The following MCMBP variants were observed in gnomAD, a reference collection of about 807,000 sequenced individuals.
MCMBP encodes mini-chromosome maintenance complex-binding protein.
A neutral mutation model predicts 81.3 loss-of-function variants in MCMBP; 31 were observed. That is an observed-to-expected ratio of 0.38 (90% CI 0.29 to 0.51). MCMBP has a LOEUF of 0.51. Among genes scored for constraint, MCMBP ranks in the 20% least tolerant of loss-of-function variants. The probability of loss-of-function intolerance (pLI) is 0.87; values close to 1 mark genes in which losing one functional copy is unlikely to be tolerated. For missense variants in MCMBP, 645 were observed against 772.1 expected, an observed-to-expected ratio of 0.84 and a Z score of 1.95; for synonymous variants, 267 against 275.9, an observed-to-expected ratio of 0.97 and a Z score of 0.32.
chr10:119,870,482 A>G (rs1009156233), intron 1 of MCMBP, among the ~76,000 whole-genome samples: 1 of 152,156 alleles, frequency 6.6e-6, no homozygotes, highest in African/African-American at 2.4e-5. Flanking sequence ...AAAATACACA[A>G]CAAAACTTAA....
Position 119,872,662 on chromosome 10 carries a change from G to C in MCMBP, c.-78C>G. The C allele has an allele frequency of 7.7e-6, 6 of 782,228 alleles. No individual in the cohort carries two copies. Among genetic ancestry groups the C allele is most frequent in the Non-Finnish European group, 9.9e-6 (6 of 608,966 alleles). The allele number at this position is 782,228 out of a possible 1,614,324, so 48.5% of individuals were successfully genotyped here. A position where few individuals can be genotyped will look rare whatever the true frequency, so the allele number is the denominator to read the frequency against. On this transcript the variant is annotated 5_prime_UTR_variant, in exon 1 of 16. Transcript: ENST00000369077. ...AGCGCGGCCGGGCGGCCGGCGCCCA[G>C]CTCCTCTTCAGCGGCTCGGCCGCTC...
intron 5 of MCMBP, among the ~76,000 whole-genome samples, chr10:119,854,222 T>G (rs1852938609): frequency 6.6e-6 from 1 of 151,896 alleles, no homozygotes; most frequent in East Asian, 2.0e-4. Context: ...TTGTATTTTT[T>G]GTAGAGACAG....
chr10:119,857,052 T>A (rs1406397507), intron 5 of MCMBP, among the ~76,000 whole-genome samples: 2 of 150,638 alleles, frequency 1.3e-5, no homozygotes, highest in Non-Finnish European at 3.0e-5. Flanking sequence ...ATGAGCCATG[T>A]TTGTGCCACT....
chr10:119,869,348 C>T (rs544485571), intron 1 of MCMBP, among the ~76,000 whole-genome samples: 1 of 152,166 alleles, frequency 6.6e-6, no homozygotes, highest in African/African-American at 2.4e-5. Context: ...CCAAGGTGGG[C>T]GGATCACTAG....
At position 119,835,615 on chromosome 10, in the gene MCMBP, G is replaced by A. The variant is rs529084726; in HGVS notation, c.1632C>T (p.Ser544=). The change falls in exon 14 of 16, where the codon TCC becomes TCT. Residue 544 remains serine, a synonymous_variant. Transcript: ENST00000369077. ...GATAAATGCGGAATTTGTTCAGCAC[G>A]GAAGGCAGCACCGCTGAGAGAAGGC... ...MNSLLSAVLP[S]VLNKFRIYLT... The A allele has an allele frequency of 5.6e-6, 9 of 1,614,052 alleles. No individual in the cohort carries two copies. In the East Asian group the frequency reaches 1.1e-4, roughly 20 times the overall value.
intron 5 of MCMBP, among the ~76,000 whole-genome samples, chr10:119,854,045 C>CT (rs111657130): frequency 0.021 from 2,874 of 139,938 alleles, 97 homozygotes; most frequent in African/African-American, 0.059. Context: ...TTTTCCTTTT[C>CT]TTTTTTTTTT....
chr10:119,855,515 C>T (rs1195882412), intron 5 of MCMBP, among the ~76,000 whole-genome samples: 1 of 151,994 alleles, frequency 6.6e-6, no homozygotes, highest in Non-Finnish European at 1.5e-5. Flanking sequence ...ATCAAAAATA[C>T]AAAACAATTA....
rs1462617730 is a variant in MCMBP, at chr10:119,872,575, C to T, written c.10G>A (p.Gly4Arg). The T allele has an allele frequency of 8.5e-7, 1 of 1,181,532 alleles. No homozygotes were observed. Among genetic ancestry groups the T allele is most frequent in the Non-Finnish European group, 1.1e-6 (1 of 948,014 alleles). 73.2% of individuals were successfully genotyped at this position (1,181,532 alleles called of 1,614,324 possible). MPC[G>R]EDWLSHPLGI... ...AGCGGGTGGCTGAGCCAATCCTCCC[C>T]ACACGGCATCTCGCCAGGGGCCGGG... Residue 4 changes from glycine to arginine, a missense_variant, in exon 1 of 16, where the codon GGG becomes AGG. Transcript: ENST00000369077.
chr10:119,832,933 C>G (rs1852098925), intron 14 of MCMBP, among the ~76,000 whole-genome samples: 2 of 152,194 alleles, frequency 1.3e-5, no homozygotes, highest in Non-Finnish European at 2.9e-5. Flanking sequence ...AAGTATGTAA[C>G]TCCTAGGAAC....
chr10:119,836,760 T>G (rs1048789610), intron 13 of MCMBP, 136 bp downstream of exon 13: 3 of 12,792 alleles, frequency 2.3e-4, no homozygotes, highest in Admixed American at 9.8e-4. Context: ...AGTCACAGTT[T>G]TTTTTTTTTT....
Position 119,838,562 on chromosome 10 carries a change from G to A in MCMBP, c.1381C>T (p.Leu461=), listed in dbSNP as rs1852330650. The A allele has an allele frequency of 6.2e-7, 1 of 1,614,120 alleles. No individual in the cohort carries two copies. Among genetic ancestry groups the A allele is most frequent in the Non-Finnish European group, 8.5e-7 (1 of 1,180,010 alleles). ...GGGGTATCCAGCTGCCCCTGTTCCAGGAGAGTCTCATCGATTACAAGGGAA... is the reference window on the plus strand; with the variant it reads ...GGGGTATCCAGCTGCCCCTGTTCCAAGAGAGTCTCATCGATTACAAGGGAA... ...NTSLVIDETL[L]EQGQLDTPGV... The change falls in exon 12 of 16, where the codon CTG becomes TTG. Residue 461 remains leucine (L), a synonymous_variant. Transcript: ENST00000369077.
chr10:119,836,757 GTTTTTTTTTTTTTTTTTTTTTTTTTT>G, intron 13 of MCMBP, 113 bp downstream of exon 13: 15 of 294,480 alleles, frequency 5.1e-5, no homozygotes, highest in South Asian at 2.1e-4. Context: ...AGCAGTCACA[GTTTTTTTTTTTTTTTTTTTTTTTTTT>G]TTTTTTTTTT....
Position 119,830,506 on chromosome 10 carries a change from A to ATGACAT in MCMBP, c.*962_*967dup, listed in dbSNP as rs1851982238. On this transcript the variant is annotated 3_prime_UTR_variant, in exon 16 of 16. Coordinates refer to ENST00000369077, the MANE Select transcript of MCMBP (RefSeq NM_001256378.2). ...AATCCAATAGAATCAAAGCAACTCA[A>ATGACAT]TGACATTTAAGAAAATAAAAACTTT... is the stretch of plus-strand genomic sequence containing the variant. The ATGACAT allele has an allele frequency of 6.6e-6, 1 of 152,214 alleles. No individual in the cohort carries two copies. The highest frequency in any genetic ancestry group is 6.5e-5 in the Admixed American group (1 of 15,278). 9.4% of individuals were successfully genotyped at this position (152,214 alleles called of 1,614,324 possible).
chr10:119,829,516 G>GT lies in MCMBP; in HGVS notation c.*1957dup. ...ACAGGGTTACACAGGAGTCTACTCAGTTTCCTGGCCATACAGGATTAACGC... is the reference window on the plus strand; with the variant it reads ...ACAGGGTTACACAGGAGTCTACTCAGTTTTCCTGGCCATACAGGATTAACGC... On this transcript the variant is annotated 3_prime_UTR_variant, in exon 16 of 16. Transcript: ENST00000369077. 1 of 152,228 alleles carries GT rather than the reference G, an allele frequency of 6.6e-6. No individual in the cohort carries two copies. The highest frequency in any genetic ancestry group is 1.9e-4 in the East Asian group (1 of 5,208). The allele number at this position is 152,228 out of a possible 1,614,324, so 9.4% of individuals were successfully genotyped here. A position where few individuals can be genotyped will look rare whatever the true frequency, so the allele number is the denominator to read the frequency against.
Position 119,830,552 on chromosome 10 carries a change from T to TAA in MCMBP, c.*920_*921dup, listed in dbSNP as rs929813573. On this transcript the variant is annotated 3_prime_UTR_variant, in exon 16 of 16. Coordinates refer to ENST00000369077, the MANE Select transcript of MCMBP (RefSeq NM_001256378.2). ...ACTTTCTAAAGGGGGTATTGCTTTT[T>TAA]AAGTTTCCTATTTTGTTTTCATATT... 10 of 152,336 alleles carry TAA rather than the reference T, an allele frequency of 6.6e-5. No homozygotes were observed. The East Asian group carries it at 1.2e-3, about 18-fold the overall frequency. 9.4% of individuals were successfully genotyped at this position (152,336 alleles called of 1,614,324 possible). A position where few individuals can be genotyped will look rare whatever the true frequency, so the allele number is the denominator to read the frequency against.
rs551418356 is a variant in MCMBP at position 119,857,305 on chromosome 10, T to A, written c.429+33A>T. On this transcript the variant is annotated intron_variant, in intron 5 of 15. Transcript: ENST00000369077. ...TTAAAGGCTAAGTTTTTAGAAACCA[T>A]CAACACAGTAAGAAAGTTCAGATAA... 2.0e-5 allele frequency: 30 copies of A among 1,471,838 alleles called. No individual in the cohort carries two copies. The South Asian group carries it at 3.3e-4, about 16-fold the overall frequency. The allele number at this position is 1,471,838 out of a possible 1,614,324, so 91.2% of individuals were successfully genotyped here. A position where few individuals can be genotyped will look rare whatever the true frequency, so the allele number is the denominator to read the frequency against.
chr10:119,845,598 G>A (rs1182165130), intron 8 of MCMBP, among the ~76,000 whole-genome samples: 4 of 152,174 alleles, frequency 2.6e-5, no homozygotes, highest in Non-Finnish European at 5.9e-5. Flanking sequence ...GGGGATAGCC[G>A]AGAATGACAC....
At chr10:119,843,495 C>G in intron 8 of MCMBP, 69 bp from the exon 9 acceptor site, 1 of 1,472,032 alleles carries the variant, frequency 6.8e-7, no homozygotes, top group Non-Finnish European at 9.2e-7. Flanking sequence ...TAATGTGCAT[C>G]TTGGAAAACA....
At chr10:119,831,656 ATTTTT>A in intron 15 of MCMBP, 56 bp from the exon 16 acceptor site, 1 of 1,585,738 alleles carries the variant, frequency 6.3e-7, no homozygotes, top group Non-Finnish European at 8.6e-7. Flanking sequence ...TAAGTTTTAA[ATTTTT>A]TTTAAGACCT....
Sources: gnomAD v4.1 joint callset for allele counts (sites outside exome capture counted in the v4.1 genomes callset) on GRCh38, gnomAD v4.1.1 for gene constraint, MANE v1.5 for transcripts, NCBI Gene and HGNC (gene_info 2026-07-23, HGNC 2026-07-21) for gene names.